The following TMEM181 variants were observed in gnomAD, a reference collection of about 807,000 sequenced individuals.
TMEM181 encodes G protein-coupled receptor 178.
In TMEM181, 39 loss-of-function variants were observed where a neutral mutation model predicts 71.9. The observed-to-expected ratio is 0.54, with a 90% CI of 0.42 to 0.71. The LOEUF is 0.71. TMEM181 is among the 30% of genes least tolerant of loss of function. TMEM181 has a pLI of 0.00. For missense variants in TMEM181, 595 were observed against 583.0 expected, an observed-to-expected ratio of 1.02 and a Z score of -0.21; for synonymous variants, 245 against 228.8, an observed-to-expected ratio of 1.07 and a Z score of -0.64.
At chr6:158,607,141 C>T in intron 7 of TMEM181, 103 bp from the exon 8 acceptor site, 2 of 901,106 alleles carry the variant, frequency 2.2e-6, no homozygotes, top group Non-Finnish European at 3.6e-6. Context: ...GCACCTAGAC[C>T]ATTGATTAGA....
chr6:158,563,174 C>T (rs957548733), intron 1 of TMEM181, among the ~76,000 whole-genome samples: 7 of 152,318 alleles, frequency 4.6e-5, no homozygotes, highest in East Asian at 3.9e-4. Context: ...GACAGAGTCT[C>T]GCTCTGTCAC....
chr6:158,615,444 C>T (rs907007501), intron 10 of TMEM181, among the ~76,000 whole-genome samples: 10 of 152,232 alleles, frequency 6.6e-5, no homozygotes, highest in Admixed American at 3.3e-4. Context: ...TGCCTGTTCA[C>T]TCTGATGGCA....
At chr6:158,603,609 G>A (rs1294248530) in intron 6 of TMEM181, among the ~76,000 whole-genome samples, 2 of 77,346 alleles carry the variant, frequency 2.6e-5, no homozygotes, top group African/African-American at 5.1e-5. Context: ...TTTTTTTTTA[G>A]TTTTATTTTA....
intron 11 of TMEM181, 138 bp from the exon 12 acceptor site, chr6:158,624,966 A>G (rs1786189435): frequency 1.4e-5 from 10 of 720,866 alleles, no homozygotes; most frequent in Non-Finnish European, 2.0e-5. Flanking sequence ...CTGGGAGCCC[A>G]TTGTTCTGCT....
At chr6:158,541,271 G>C (rs539402767) in intron 1 of TMEM181, among the ~76,000 whole-genome samples, 8 of 152,094 alleles carry the variant, frequency 5.3e-5, no homozygotes, top group Non-Finnish European at 1.2e-4. Flanking sequence ...ACAAAAATTA[G>C]CAGGGCGTGA....
chr6:158,622,659 T>C (rs186897673), intron 10 of TMEM181, among the ~76,000 whole-genome samples: 16 of 152,356 alleles, frequency 1.1e-4, no homozygotes, highest in Admixed American at 1.0e-3. Flanking sequence ...TAACTGAAAC[T>C]GCAGAAAGTG....
chr6:158,598,767 GGGTTCA>G (rs1351679608), intron 6 of TMEM181, among the ~76,000 whole-genome samples: 4 of 151,324 alleles, frequency 2.6e-5, no homozygotes, highest in Non-Finnish European at 5.9e-5. Flanking sequence ...TCTGCCTCCC[GGGTTCA>G]GGCCATTCTC....
chr6:158,567,741 C>A (rs1465785661), intron 1 of TMEM181, among the ~76,000 whole-genome samples: 2 of 152,182 alleles, frequency 1.3e-5, no homozygotes, highest in African/African-American at 2.4e-5. Context: ...GCCTTGTGAT[C>A]TAGGGCAAGT....
At chr6:158,589,916 A>G in intron 6 of TMEM181, 134 bp downstream of exon 6, 3 of 661,368 alleles carry the variant, frequency 4.5e-6, no homozygotes, top group Non-Finnish European at 7.7e-6. Flanking sequence ...GTTTTTAAAA[A>G]TTATAGGAAA....
In TMEM181 at chr6:158,629,753, G is replaced by T; in HGVS notation, c.1216G>T (p.Gly406Cys). ...QNSAEFLSFYGLLNFYLYTLA... is the reference protein window; with the variant it reads ...QNSAEFLSFYCLLNFYLYTLA... ...ACCAGCCGAGTTCTTATCTTTCTATGGCCTGTTGAACTTCTATCTCTACAC... is the reference window on the plus strand; with the variant it reads ...ACCAGCCGAGTTCTTATCTTTCTATTGCCTGTTGAACTTCTATCTCTACAC... Residue 406 changes from glycine (G) to cysteine (C), a missense_variant, in exon 15 of 17, where the codon GGC (glycine) becomes TGC (cysteine). Coordinates refer to ENST00000684151, the MANE Select transcript of TMEM181 (RefSeq NM_001376852.1). The T allele has an allele frequency of 6.2e-7, 1 of 1,612,294 alleles. No individual in the cohort carries two copies. The highest frequency in any genetic ancestry group is 8.5e-7 in the Non-Finnish European group (1 of 1,179,244).
chr6:158,596,016 G>A, intron 6 of TMEM181, among the ~76,000 whole-genome samples: 1 of 152,244 alleles, frequency 6.6e-6, no homozygotes, highest in Middle Eastern at 3.4e-3. Context: ...CCGCCTCCTG[G>A]GTTCATGCCA....
At chr6:158,625,076 A>G (rs2128328567) in intron 11 of TMEM181, 28 bp from the exon 12 acceptor site, 2 of 1,579,134 alleles carry the variant, frequency 1.3e-6, no homozygotes, top group Middle Eastern at 1.7e-4. Context: ...CCCTGTTCCG[A>G]CTCAAGTGCT....
At chr6:158,611,014 C>T (rs1228910622) in intron 10 of TMEM181, 1 of 450,840 alleles carries the variant, frequency 2.2e-6, no homozygotes, top group African/African-American at 2.0e-5. Flanking sequence ...ATCACCACCT[C>T]CCTATCTTTA....
chr6:158,599,384 CAA>C (rs1339818088), intron 6 of TMEM181, among the ~76,000 whole-genome samples: 1 of 152,132 alleles, frequency 6.6e-6, no homozygotes, highest in African/African-American at 2.4e-5. Flanking sequence ...TCTGAAAGGA[CAA>C]AGACAGCAGC....
In TMEM181 at chr6:158,631,818, A is replaced by G; in HGVS notation, c.1358A>G (p.Tyr453Cys). 6.3e-7 allele frequency: 1 copy of G among 1,599,114 alleles called. No individual in the cohort carries two copies. The highest frequency in any genetic ancestry group is 1.1e-5 in the South Asian group (1 of 88,344). Residue 453 changes from tyrosine (Y) to cysteine (C), a missense_variant, in exon 17 of 17, where the codon TAT becomes TGT. Physicochemically the swap from Tyr to Cys is radical, Grantham distance 194. Transcript: ENST00000684151. ...GGTCTCTTTGCTCACAGGAGTGACTATGAGGAAATGCCGCTGCAGAACGGC... is the reference window on the plus strand; with the variant it reads ...GGTCTCTTTGCTCACAGGAGTGACTGTGAGGAAATGCCGCTGCAGAACGGC... ...SDDDVIYGSD[Y>C]EEMPLQNGQA...
In TMEM181 at chr6:158,632,544, A is replaced by T. The variant is rs1409144362; in HGVS notation, c.*656A>T. On this transcript the variant is annotated 3_prime_UTR_variant, in exon 17 of 17. Transcript: ENST00000684151. ...AGTGTGGAGTTCTGAGGAGGGTTTG[A>T]TAAGTTGAATAAGGAAAGGCTAAGA... is the stretch of plus-strand genomic sequence containing the variant. 6.6e-6 allele frequency: 1 copy of T among 152,532 alleles called. No homozygotes were observed. The highest frequency in any genetic ancestry group is 2.4e-5 in the African/African-American group (1 of 41,450). The allele number at this position is 152,532 out of a possible 1,614,324, so 9.4% of individuals were successfully genotyped here. A position where few individuals can be genotyped will look rare whatever the true frequency, so the allele number is the denominator to read the frequency against.
chr6:158,590,992 T>C (rs553050500), intron 6 of TMEM181, among the ~76,000 whole-genome samples: 2 of 152,372 alleles, frequency 1.3e-5, no homozygotes, highest in South Asian at 4.1e-4. Context: ...TCACTTAGCG[T>C]GATGTCTCAA....
chr6:158,628,985 G>A (rs1786506180), intron 14 of TMEM181, among the ~76,000 whole-genome samples: 1 of 152,214 alleles, frequency 6.6e-6, no homozygotes, highest in Admixed American at 6.5e-5. Flanking sequence ...TATGACAGTT[G>A]TGGCAGGTTG....
At chr6:158,555,812 G>A (rs1041451942), upstream of TMEM181, among the ~76,000 whole-genome samples, 2 of 152,124 alleles carry the variant, frequency 1.3e-5, no homozygotes, top group African/African-American at 4.8e-5. Flanking sequence ...TTTGGACAAT[G>A]TTTAGATGGC....
Sources: allele counts gnomAD v4.1 joint callset (sites outside exome capture counted in the v4.1 genomes callset), GRCh38; gene constraint gnomAD v4.1.1; transcripts MANE v1.5; gene names NCBI Gene and HGNC (gene_info 2026-07-23, HGNC 2026-07-21).